The following MYO18B variants were observed in gnomAD, a reference collection of about 807,000 sequenced individuals.
The protein encoded by MYO18B is unconventional myosin-XVIIIb.
A neutral mutation model predicts 273.0 loss-of-function variants in MYO18B; 204 were observed. That is an observed-to-expected ratio of 0.75 (90% CI 0.67 to 0.84). The LOEUF (loss-of-function observed/expected upper bound fraction) is 0.84. Among genes scored for constraint, MYO18B ranks in the 40% least tolerant of loss-of-function variants. The pLI is 0.00. For missense variants in MYO18B, 3,212 were observed against 3,287.6 expected (o/e 0.98, Z 0.56); for synonymous variants, 1,330 against 1,305.7 (o/e 1.02, Z -0.40).
At chr22:25,865,851 T>G (rs1469844463) in intron 21 of MYO18B, among the ~76,000 whole-genome samples, 2 of 152,230 alleles carry the variant, frequency 1.3e-5, no homozygotes, top group South Asian at 4.1e-4. Context: ...AGTCAATTTT[T>G]TATTGTTTTT....
intron 34 of MYO18B, among the ~76,000 whole-genome samples, chr22:25,943,193 A>G (rs1296570551): frequency 6.6e-6 from 1 of 152,070 alleles, no homozygotes; most frequent in Non-Finnish European, 1.5e-5. Flanking sequence ...TTCCACCATT[A>G]GTTATCTGAC....
At chr22:25,841,474 G>A (rs978112441) in intron 17 of MYO18B, among the ~76,000 whole-genome samples, 8 of 152,056 alleles carry the variant, frequency 5.3e-5, no homozygotes, top group African/African-American at 1.4e-4. Flanking sequence ...TGGCATTTCC[G>A]TGTGCTGGAC....
rs1459906090 is a variant in MYO18B at position 25,770,898 on chromosome 22, A to G, written c.1606A>G (p.Thr536Ala). The G allele has an allele frequency of 6.4e-7, 1 of 1,551,990 alleles. No individual in the cohort carries two copies. ...LATVLKPDEG[T>A]ADLPAGRVRL... ...TACGGTGCTAAAGCCAGATGAGGGA[A>G]CAGCAGACCTGCCAGCAGGAAGGGT... Residue 536 changes from threonine to alanine, a missense_variant, in exon 6 of 44, where the codon ACA becomes GCA. By Grantham distance (58) the Thr-to-Ala change is moderately conservative. Transcript: ENST00000335473.
chr22:25,954,438 TAAAAAA>T (rs59409717), intron 38 of MYO18B, among the ~76,000 whole-genome samples: 1 of 143,474 alleles, frequency 7.0e-6, no homozygotes, highest in Non-Finnish European at 1.5e-5. Flanking sequence ...TAGGAGCTGC[TAAAAAA>T]AAAAAAGAAT....
intron 21 of MYO18B, among the ~76,000 whole-genome samples, chr22:25,865,569 C>A (rs1256994238): frequency 1.3e-5 from 2 of 152,170 alleles, no homozygotes. Flanking sequence ...GCTATGTAGC[C>A]CTGCACAAGC....
chr22:25,770,030 CTG>C (rs1165824140), intron 4 of MYO18B, 78 bp from the exon 5 acceptor site: 5 of 1,436,316 alleles, frequency 3.5e-6, no homozygotes, highest in Non-Finnish European at 4.9e-6. Flanking sequence ...CCAGAGCACA[CTG>C]TGAGAAACCC....
chr22:25,984,499 T>G (rs2093180501), intron 39 of MYO18B, among the ~76,000 whole-genome samples: 1 of 152,146 alleles, frequency 6.6e-6, no homozygotes, highest in East Asian at 1.9e-4. Context: ...CATTTAAAAA[T>G]GTGGCAGAGG....
chr22:25,930,219 G>A (rs1223635498), intron 34 of MYO18B, among the ~76,000 whole-genome samples: 9 of 152,106 alleles, frequency 5.9e-5, no homozygotes, highest in South Asian at 2.1e-4. Context: ...TGAGGGTGCC[G>A]CCTCTCCTTC....
chr22:25,977,662 G>T (rs1015216661), intron 39 of MYO18B, among the ~76,000 whole-genome samples: 2 of 152,164 alleles, frequency 1.3e-5, no homozygotes, highest in Non-Finnish European at 2.9e-5. Flanking sequence ...TGGGGTGAGG[G>T]TGAGAAAGCA....
At chr22:25,743,184 C>G (rs1001736338) in intron 1 of MYO18B, among the ~76,000 whole-genome samples, 2 of 152,218 alleles carry the variant, frequency 1.3e-5, no homozygotes, top group Non-Finnish European at 2.9e-5. Context: ...TCCTGTAGGG[C>G]CTGGAATACG....
chr22:25,790,804 C>G (rs1358978425), intron 11 of MYO18B, among the ~76,000 whole-genome samples: 1 of 152,164 alleles, frequency 6.6e-6, no homozygotes, highest in Non-Finnish European at 1.5e-5. Flanking sequence ...TGGACCCACT[C>G]CTTGGGTCCT....
At chr22:26,042,103 C>T in the MYO18B span, among the ~76,000 whole-genome samples, 1 of 152,170 alleles carries the variant, frequency 6.6e-6, no homozygotes, top group Non-Finnish European at 1.5e-5. Context: ...TGATAGGCCC[C>T]CAGGCACCCA....
At chr22:25,926,049 T>C (rs527939145) in intron 34 of MYO18B, among the ~76,000 whole-genome samples, 1 of 149,454 alleles carries the variant, frequency 6.7e-6, no homozygotes, top group East Asian at 2.0e-4. Context: ...ACTAAAAATA[T>C]AAAAAATTAG....
At chr22:26,003,962 AT>A (rs1289216928) in intron 41 of MYO18B, among the ~76,000 whole-genome samples, 1 of 150,896 alleles carries the variant, frequency 6.6e-6, no homozygotes, top group African/African-American at 2.4e-5. Flanking sequence ...TAAAATATTA[AT>A]AATTTTTAAA....
intron 32 of MYO18B, among the ~76,000 whole-genome samples, chr22:25,910,137 T>C (rs2092127517): frequency 6.6e-6 from 1 of 152,228 alleles, no homozygotes; most frequent in Admixed American, 6.5e-5. Context: ...GAGTCGCTCA[T>C]AGTCAGATGT....
chr22:25,909,302 C>T (rs775346082), intron 32 of MYO18B, among the ~76,000 whole-genome samples: 1 of 152,180 alleles, frequency 6.6e-6, no homozygotes, highest in Non-Finnish European at 1.5e-5. Flanking sequence ...TGAATCATAC[C>T]TATGTACAGA....
chr22:25,763,148 G>T, intron 2 of MYO18B, 83 bp from the exon 3 acceptor site: 1 of 1,533,600 alleles, frequency 6.5e-7, no homozygotes, highest in Non-Finnish European at 9.0e-7. Flanking sequence ...CCCCCTCCCA[G>T]GCTCCATCAC....
chr22:25,895,221 C>A lies in MYO18B; in HGVS notation c.4609C>A (p.Gln1537Lys). 1 of 1,609,888 alleles carries A rather than the reference C, an allele frequency of 6.2e-7. No individual in the cohort carries two copies. Among genetic ancestry groups the A allele is most frequent in the Admixed American group, 1.7e-5 (1 of 59,512 alleles). The change falls in exon 28 of 44, where the codon CAG becomes AAG. Residue 1537 changes from glutamine to lysine, a missense_variant. Coordinates refer to ENST00000335473, the MANE Select transcript of MYO18B (RefSeq NM_032608.7). ...MENEFLRKRL[Q>K]QCEERLDSEL... ...GAACGAGTTCCTCAGAAAGCGTCTG[C>A]AGCAATGCGAGGAGAGGCTGGACTC...
At chr22:26,017,503 C>T (rs1004504793) in intron 42 of MYO18B, among the ~76,000 whole-genome samples, 3 of 152,244 alleles carry the variant, frequency 2.0e-5, no homozygotes, top group Non-Finnish European at 2.9e-5. Context: ...CATTTTCTAA[C>T]GTATCAGTAT....
Sources: allele counts gnomAD v4.1 joint callset (sites outside exome capture counted in the v4.1 genomes callset), GRCh38; gene constraint gnomAD v4.1.1; transcripts MANE v1.5; gene names NCBI Gene and HGNC (gene_info 2026-07-23, HGNC 2026-07-21).